CSMD1: variants seen among roughly 807,000 people sequenced by gnomAD.
CSMD1 encodes CUB and Sushi multiple domains 1, also known as CUB and sushi domain-containing protein 1.
Under a neutral mutation model 417.5 loss-of-function variants are expected in CSMD1, and 213 were observed. The ratio of observed to expected loss-of-function variants is 0.51; its 90% CI spans 0.46 to 0.57. The LOEUF is 0.57. Ranked by LOEUF, CSMD1 falls within the 20% of genes least tolerant of loss-of-function variation. The pLI, the probability that CSMD1 is intolerant of heterozygous loss-of-function variation, is 0.00. For missense variants in CSMD1, 6,923 were observed against 4,529.7 expected, an observed-to-expected ratio of 1.53 and a Z score of -15.17; for synonymous variants, 2,862 against 1,736.8, an observed-to-expected ratio of 1.65 and a Z score of -16.11.
rs73186165 is a variant in CSMD1 at position 4,236,660 on chromosome 8, T to A, written c.415+183293A>T. ...CCAAAATCAATGTTAAAATAATGAA[T>A]TGCATGCTTATTTAAACTCTTCAAG... On this transcript the variant is annotated intron_variant, in intron 3 of 69. Transcript: ENST00000635120. Among the ~76,000 whole-genome samples the A allele has an allele frequency of 4.6e-4, 70 of 152,296 alleles. No individual in the cohort carries two copies. In the South Asian group the frequency reaches 9.3e-3, roughly 20 times the overall value.
At chr8:4,289,944 CTCT>C (rs1204302954) in intron 3 of CSMD1, among the ~76,000 whole-genome samples, 1 of 152,124 alleles carries the variant, frequency 6.6e-6, no homozygotes, top group African/African-American at 2.4e-5. Flanking sequence ...CATTATTGAC[CTCT>C]TCTTGAGAGG....
At chr8:3,741,401 A>C (rs60670111) in intron 6 of CSMD1, among the ~76,000 whole-genome samples, 3,702 of 152,166 alleles carry the variant, frequency 0.024, 161 homozygotes, top group African/African-American at 0.085. Context: ...ATATAGGGCC[A>C]GGTTATCCCA....
intron 10 of CSMD1, among the ~76,000 whole-genome samples, chr8:3,570,680 T>G (rs1323626437): frequency 6.6e-6 from 1 of 152,166 alleles, no homozygotes; most frequent in Non-Finnish European, 1.5e-5. Flanking sequence ...TCCCCCAAAC[T>G]TTCGGTTTTT....
chr8:2,987,220 A>T (rs1430735664), intron 54 of CSMD1, among the ~76,000 whole-genome samples: 1 of 152,048 alleles, frequency 6.6e-6, no homozygotes, highest in Non-Finnish European at 1.5e-5. Flanking sequence ...GAGCTATTAA[A>T]ATTTTAATTA....
intron 4 of CSMD1, among the ~76,000 whole-genome samples, chr8:4,002,657 T>G (rs1429267936): frequency 6.6e-6 from 1 of 152,204 alleles, no homozygotes; most frequent in Non-Finnish European, 1.5e-5. Flanking sequence ...GATAAAAGCT[T>G]TGCTGACAGA....
intron 39 of CSMD1, among the ~76,000 whole-genome samples, 153 bp downstream of exon 39, chr8:3,157,741 GCAT>G (rs1819622390): frequency 6.6e-6 from 1 of 152,198 alleles, no homozygotes; most frequent in Non-Finnish European, 1.5e-5. Context: ...CAGGTTAAAC[GCAT>G]CATTCTGCTC....
intron 2 of CSMD1, among the ~76,000 whole-genome samples, chr8:4,482,140 T>G (rs1258846742): frequency 6.6e-6 from 1 of 152,188 alleles, no homozygotes; most frequent in East Asian, 1.9e-4. Flanking sequence ...ATGAGCAGGT[T>G]ACATAAGTAA....
chr8:3,636,805 A>G (rs1439445295), intron 7 of CSMD1, among the ~76,000 whole-genome samples: 1 of 152,108 alleles, frequency 6.6e-6, no homozygotes, highest in African/African-American at 2.4e-5. Context: ...TCATACGATC[A>G]TATCTTTTCT....
intron 10 of CSMD1, among the ~76,000 whole-genome samples, chr8:3,510,348 G>A (rs1311812671): frequency 6.6e-6 from 1 of 151,736 alleles, no homozygotes; most frequent in Non-Finnish European, 1.5e-5. Flanking sequence ...CCGGAGCTTG[G>A]GGGAGGACAG....
intron 3 of CSMD1, among the ~76,000 whole-genome samples, chr8:4,131,316 G>C (rs1248094800): frequency 6.6e-6 from 1 of 152,156 alleles, no homozygotes; most frequent in African/African-American, 2.4e-5. Flanking sequence ...GTAATGTGAG[G>C]TCTGACTGTG....
At chr8:4,065,168 C>G (rs912295999) in intron 3 of CSMD1, among the ~76,000 whole-genome samples, 1 of 152,136 alleles carries the variant, frequency 6.6e-6, no homozygotes, top group African/African-American at 2.4e-5. Flanking sequence ...ACTATTTACA[C>G]AAAACACTTC....
chr8:3,678,641 A>G (rs2117589106), intron 7 of CSMD1, among the ~76,000 whole-genome samples: 1 of 152,326 alleles, frequency 6.6e-6, no homozygotes, highest in African/African-American at 2.4e-5. Flanking sequence ...AAACTTCCCC[A>G]ACCTAGCAAG....
intron 26 of CSMD1, among the ~76,000 whole-genome samples, chr8:3,271,264 T>G (rs111278478): frequency 1.4e-3 from 207 of 151,848 alleles, no homozygotes; most frequent in African/African-American, 4.6e-3. Context: ...GAACTCATCA[T>G]TTTTTAAGGC....
chr8:2,974,430 G>C (rs1391609006), intron 56 of CSMD1, 21 bp downstream of exon 56: 12 of 1,513,198 alleles, frequency 7.9e-6, no homozygotes, highest in Non-Finnish European at 1.1e-5. Context: ...AATTCTGTCA[G>C]TTCACTCGTA....
intron 5 of CSMD1, among the ~76,000 whole-genome samples, chr8:3,823,827 T>C (rs1351645147): frequency 1.3e-5 from 2 of 152,198 alleles, no homozygotes; most frequent in Non-Finnish European, 2.9e-5. Flanking sequence ...ATCATAAAGA[T>C]GGTAATTTAA....
chr8:4,199,584 C>G (rs1219881463), intron 3 of CSMD1, among the ~76,000 whole-genome samples: 1 of 152,100 alleles, frequency 6.6e-6, no homozygotes, highest in Non-Finnish European at 1.5e-5. Context: ...ACAGACAAAC[C>G]AATTTATCTT....
intron 3 of CSMD1, among the ~76,000 whole-genome samples, chr8:4,275,686 TG>T (rs1289374894): frequency 6.6e-6 from 1 of 152,222 alleles, no homozygotes; most frequent in Non-Finnish European, 1.5e-5. Context: ...TTGCAAAGCT[TG>T]TTTTAGTGAT....
At chr8:4,604,346 T>C (rs1800753305) in intron 2 of CSMD1, among the ~76,000 whole-genome samples, 1 of 150,468 alleles carries the variant, frequency 6.6e-6, no homozygotes, top group Admixed American at 6.7e-5. Context: ...ATATATATAA[T>C]ATATTATTCT....
intron 69 of CSMD1, 126 bp from the exon 70 acceptor site, chr8:2,938,870 G>A (rs797021984): frequency 1.3e-6 from 1 of 747,400 alleles, no homozygotes; most frequent in African/African-American, 1.8e-5. Flanking sequence ...TTGCAAAGAA[G>A]GAAGGCATCC....
Sources: gnomAD v4.1 joint callset for allele counts (sites outside exome capture counted in the v4.1 genomes callset) on GRCh38, gnomAD v4.1.1 for gene constraint, MANE v1.5 for transcripts, NCBI Gene and HGNC (gene_info 2026-07-23, HGNC 2026-07-21) for gene names.